ADGRF5: variants seen among roughly 807,000 people sequenced by gnomAD.
ADGRF5 encodes adhesion G protein-coupled receptor F5.
ADGRF5 carries 75 observed loss-of-function variants against 132.3 expected under a neutral mutation model. The observed-to-expected ratio is 0.57, with a 90% CI of 0.47 to 0.69. The LOEUF is 0.69. Ranked by LOEUF, ADGRF5 falls within the 30% of genes least tolerant of loss-of-function variation. The probability of loss-of-function intolerance (pLI) is 0.00; values close to 1 mark genes in which losing one functional copy is unlikely to be tolerated. For synonymous variants in ADGRF5, 629 were observed against 597.6 expected, an observed-to-expected ratio of 1.05 and a Z score of -0.77; for missense variants, 1,516 against 1,630.6, an observed-to-expected ratio of 0.93 and a Z score of 1.21.
intron 10 of ADGRF5, among the ~76,000 whole-genome samples, chr6:46,877,902 T>G (rs978945660): frequency 2.6e-5 from 4 of 152,198 alleles, no homozygotes; most frequent in Non-Finnish European, 5.9e-5. Flanking sequence ...CAAGCTTTTC[T>G]TGTCTTTTTT....
At chr6:46,933,695 G>A (rs1324704985) in intron 1 of ADGRF5, among the ~76,000 whole-genome samples, 1 of 152,156 alleles carries the variant, frequency 6.6e-6, no homozygotes, top group Non-Finnish European at 1.5e-5. Context: ...GATTGTCGTC[G>A]GGCCTCAGGG....
In ADGRF5 at chr6:46,867,103, T is replaced by C; in HGVS notation, c.1656A>G (p.Ser552=). The stretch of plus-strand genomic sequence containing the variant: ...TGACGTCTTTGGTTGCAATACTGTA[T>C]GAATTCTTATATCTAAATATGCAGT... The part of the protein sequence containing the change: ...TYHCIFRYKN[S]YSIATKDVIV... The change falls in exon 13 of 21, where the codon TCA becomes TCG. Residue 552 remains serine, a synonymous_variant. Coordinates refer to ENST00000283296, the MANE Select transcript of ADGRF5 (RefSeq NM_001098518.2). The C allele has an allele frequency of 6.2e-7, 1 of 1,611,912 alleles. No individual in the cohort carries two copies. The highest frequency in any genetic ancestry group is 8.5e-7 in the Non-Finnish European group (1 of 1,178,008).
chr6:46,864,526 A>ATTTTT (rs200329634), intron 14 of ADGRF5, among the ~76,000 whole-genome samples: 1 of 141,592 alleles, frequency 7.1e-6, no homozygotes, highest in African/African-American at 2.6e-5. Context: ...ACATGTAATA[A>ATTTTT]TTTTTTTTTT....
chr6:46,911,050 C>T (rs890892474), intron 1 of ADGRF5, among the ~76,000 whole-genome samples: 1 of 152,224 alleles, frequency 6.6e-6, no homozygotes, highest in Admixed American at 6.5e-5. Context: ...ACTTACTACA[C>T]AGTCTAGGCC....
rs114838207 is a variant in ADGRF5, at chr6:46,853,849, C to G, written c.*143G>C. On this transcript the variant is annotated 3_prime_UTR_variant, in exon 21 of 21. Transcript: ENST00000283296. ...TTTATTCTGTCTTTACAAAAGAAAGCCTCTTCTCTATGAAAAAGTCTTTTT... is the reference window on the plus strand; with the variant it reads ...TTTATTCTGTCTTTACAAAAGAAAGGCTCTTCTCTATGAAAAAGTCTTTTT... The G allele has an allele frequency of 4.9e-6, 3 of 612,244 alleles. No individual in the cohort carries two copies. Among genetic ancestry groups the G allele is most frequent in the South Asian group, 1.9e-5 (1 of 53,948 alleles). The allele number at this position is 612,244 out of a possible 1,614,324, so 37.9% of individuals were successfully genotyped here.
At position 46,883,578 on chromosome 6, in the gene ADGRF5, T is replaced by C. The variant is rs1175516098; in HGVS notation, c.593A>G (p.Lys198Arg). The C allele has an allele frequency of 2.5e-6, 4 of 1,605,416 alleles. No homozygotes were observed. Among genetic ancestry groups the C allele is most frequent in the Non-Finnish European group, 3.4e-6 (4 of 1,174,940 alleles). The change falls in exon 6 of 21, where the codon AAG (lysine) becomes AGG (arginine). Residue 198 changes from lysine to arginine, a missense_variant. Transcript: ENST00000283296. ...NTSSALYRSY[K>R]TDLETAFRKG... ...ACCTACCGCTGTTTCCAAGTCGGTC[T>C]TGTAGGACCTATAGAGGGCGGAGGA...
At chr6:46,939,572 A>G (rs1777976576) in intron 1 of ADGRF5, among the ~76,000 whole-genome samples, 1 of 152,258 alleles carries the variant, frequency 6.6e-6, no homozygotes, top group Non-Finnish European at 1.5e-5. Flanking sequence ...TCCTTTTTAT[A>G]CAATCACTGT....
chr6:46,938,030 G>A (rs76879823), intron 1 of ADGRF5, among the ~76,000 whole-genome samples: 1,848 of 152,222 alleles, frequency 0.012, 38 homozygotes, highest in African/African-American at 0.043. Flanking sequence ...ATAAGTTGGG[G>A]GGTAGGGTCT....
chr6:46,928,185 C>T (rs1777352112), intron 1 of ADGRF5, among the ~76,000 whole-genome samples: 1 of 152,118 alleles, frequency 6.6e-6, no homozygotes, highest in Non-Finnish European at 1.5e-5. Context: ...TGCTTTTCTC[C>T]AGCTTGTGGA....
intron 1 of ADGRF5, among the ~76,000 whole-genome samples, chr6:46,912,476 G>C (rs928113050): frequency 6.6e-6 from 1 of 152,100 alleles, no homozygotes; most frequent in African/African-American, 2.4e-5. Flanking sequence ...TGAAAAGAGA[G>C]CAGGTGAAGG....
At chr6:46,945,375 A>T (rs1778264088) in intron 1 of ADGRF5, among the ~76,000 whole-genome samples, 1 of 152,248 alleles carries the variant, frequency 6.6e-6, no homozygotes, top group Non-Finnish European at 1.5e-5. Flanking sequence ...AGAGAACAAG[A>T]TGTTATTTCA....
Position 46,862,970 on chromosome 6 carries a change from T to C in ADGRF5, c.2117A>G (p.Tyr706Cys). 1.9e-6 allele frequency: 3 copies of C among 1,613,488 alleles called. No individual in the cohort carries two copies. The highest frequency in any genetic ancestry group is 2.5e-6 in the Non-Finnish European group (3 of 1,179,634). The change falls in exon 15 of 21, where the codon TAC becomes TGC. Residue 706 changes from tyrosine (Y) to cysteine (C), a missense_variant. This residue lies in a region of ADGRF5 where 945 missense variants were observed against 929.4 expected (regional missense o/e 1.02). Transcript: ENST00000283296. ...PESPIGGTIT[Y>C]KCVGSQWEEK... ...CTCCCACTGGGAGCCTACACATTTG[T>C]AAGTGATGGTCCCGCCAATGGGACT...
chr6:46,902,432 T>C (rs751249466), intron 2 of ADGRF5, among the ~76,000 whole-genome samples: 1 of 152,238 alleles, frequency 6.6e-6, no homozygotes, highest in Non-Finnish European at 1.5e-5. Context: ...AGGTCTTGCC[T>C]CTTGTCTTGT....
intron 1 of ADGRF5, among the ~76,000 whole-genome samples, chr6:46,931,380 C>A (rs1777549002): frequency 6.6e-6 from 1 of 152,208 alleles, no homozygotes. Context: ...TCAGTCAAAT[C>A]AATCTTCCCT....
chr6:46,923,961 T>C (rs189467094), upstream of ADGRF5, among the ~76,000 whole-genome samples: 287 of 152,302 alleles, frequency 1.9e-3, 1 homozygote, highest in Middle Eastern at 0.014. Context: ...ACTGCAAACG[T>C]AGAGAGAATA....
chr6:46,860,576 T>C (rs1356228073), intron 16 of ADGRF5, 139 bp downstream of exon 16: 13 of 498,436 alleles, frequency 2.6e-5, no homozygotes, highest in Admixed American at 1.3e-4. Context: ...CTAAAAGCCA[T>C]AGCTGGCAGA....
At chr6:46,891,611 C>T (rs220707) in intron 3 of ADGRF5, among the ~76,000 whole-genome samples, 136,484 of 152,222 alleles carry the variant, frequency 0.9, 61,376 homozygotes, top group African/African-American at 0.95. Flanking sequence ...AATCCCAGGA[C>T]CTGATCCCAC....
chr6:46,877,259 CTT>C, intron 10 of ADGRF5, among the ~76,000 whole-genome samples: 1 of 36,776 alleles, frequency 2.7e-5, no homozygotes, highest in Admixed American at 2.1e-4. Flanking sequence ...TTCTTTCTTT[CTT>C]TCTTTCTTTC....
intron 1 of ADGRF5, among the ~76,000 whole-genome samples, chr6:46,915,720 T>A (rs576430263): frequency 2.5e-4 from 38 of 151,600 alleles, no homozygotes; most frequent in African/African-American, 9.0e-4. Context: ...AAAAAAAAAA[T>A]ATTACTTTAT....
Sources: allele counts gnomAD v4.1 joint callset (sites outside exome capture counted in the v4.1 genomes callset), GRCh38; gene constraint gnomAD v4.1.1; regional missense constraint gnomAD v4.1.1; transcripts MANE v1.5; gene names NCBI Gene and HGNC (gene_info 2026-07-23, HGNC 2026-07-21).